Variants in DNAJC13 observed in about 807,000 individuals in gnomAD.
DNAJC13 encodes DnaJ heat shock protein family (Hsp40) member C13.
A neutral mutation model predicts 290.5 loss-of-function variants in DNAJC13; 75 were observed. The ratio of observed to expected loss-of-function variants is 0.26; its 90% CI spans 0.21 to 0.31. The LOEUF is 0.31. Ranked by LOEUF, DNAJC13 falls within the 10% of genes least tolerant of loss-of-function variation. The probability of loss-of-function intolerance (pLI) is 1.00; values close to 1 mark genes in which losing one functional copy is unlikely to be tolerated. For missense variants in DNAJC13, 2,260 were observed against 2,674.5 expected (o/e 0.85, Z 3.42); for synonymous variants, 862 against 892.0 (o/e 0.97, Z 0.60).
chr3:132,480,193 C>G (rs1434380573), intron 25 of DNAJC13, among the ~76,000 whole-genome samples, 176 bp from the exon 26 acceptor site: 2 of 152,192 alleles, frequency 1.3e-5, no homozygotes, highest in Middle Eastern at 3.4e-3. Flanking sequence ...TCCTTGAACA[C>G]AAAATGCTGA....
At chr3:132,475,667 T>C (rs778290879) in intron 22 of DNAJC13, among the ~76,000 whole-genome samples, 6 of 152,202 alleles carry the variant, frequency 3.9e-5, no homozygotes, top group Non-Finnish European at 8.8e-5. Flanking sequence ...CCCAGTTGCA[T>C]TTCCATATTC....
intron 12 of DNAJC13, 53 bp from the exon 13 acceptor site, chr3:132,457,216 C>A: frequency 7.8e-7 from 1 of 1,284,420 alleles, no homozygotes; most frequent in Non-Finnish European, 1.1e-6. Context: ...AATAATATAA[C>A]AATTTAAAAT....
At chr3:132,486,206 C>A (rs1339031386) in intron 29 of DNAJC13, among the ~76,000 whole-genome samples, 1 of 148,406 alleles carries the variant, frequency 6.7e-6, no homozygotes, top group East Asian at 2.0e-4. Context: ...AAAAGCACTG[C>A]AATTATTGAG....
intron 21 of DNAJC13, chr3:132,474,246 T>G (rs1934386194): frequency 6.6e-6 from 1 of 152,214 alleles, no homozygotes. Context: ...TTTTTGTTTG[T>G]TTTTTGTTTT....
chr3:132,436,594 G>A (rs923193900), intron 2 of DNAJC13, among the ~76,000 whole-genome samples: 1 of 152,276 alleles, frequency 6.6e-6, no homozygotes, highest in African/African-American at 2.4e-5. Context: ...ACTTTTTGAT[G>A]AACAGCCAAA....
chr3:132,445,633 T>C (rs1476421238), intron 2 of DNAJC13, among the ~76,000 whole-genome samples: 2 of 152,086 alleles, frequency 1.3e-5, no homozygotes, highest in Non-Finnish European at 2.9e-5. Context: ...AGGGTTGATT[T>C]ATTCTTATAT....
chr3:132,468,060 G>A (rs1934060813), intron 20 of DNAJC13, among the ~76,000 whole-genome samples: 1 of 152,114 alleles, frequency 6.6e-6, no homozygotes, highest in Admixed American at 6.5e-5. Context: ...TCAATTTATT[G>A]TGCGTACTTA....
rs1421552450 is a variant in DNAJC13, at chr3:132,483,369, C to T, written c.2980-6C>T. ...TCTGTTTGTAATAATGCCTTCCATCCATTAGATGCAAGAATTGTGGACCAA... is the reference window on the plus strand; with the variant it reads ...TCTGTTTGTAATAATGCCTTCCATCTATTAGATGCAAGAATTGTGGACCAA... On this transcript the variant is annotated splice_region_variant and splice_polypyrimidine_tract_variant and intron_variant, in intron 27 of 55. Coordinates refer to ENST00000260818, the MANE Select transcript of DNAJC13 (RefSeq NM_015268.4). 17 of 1,612,264 alleles carry T rather than the reference C, an allele frequency of 1.1e-5. No homozygotes were observed. The highest frequency in any genetic ancestry group is 6.7e-5 in the African/African-American group (5 of 74,818).
chr3:132,483,045 G>T (rs1202685525), intron 27 of DNAJC13, among the ~76,000 whole-genome samples: 1 of 152,054 alleles, frequency 6.6e-6, no homozygotes, highest in African/African-American at 2.4e-5. Flanking sequence ...AGCCTCCCAG[G>T]CTCATTTCGA....
chr3:132,449,722 A>G (rs909471811), intron 5 of DNAJC13, among the ~76,000 whole-genome samples: 2 of 152,164 alleles, frequency 1.3e-5, no homozygotes, highest in African/African-American at 4.8e-5. Context: ...TCAGTATCAG[A>G]AATAGTTGTA....
chr3:132,434,658 A>G (rs771602655), intron 2 of DNAJC13, 40 bp downstream of exon 2: 16 of 1,497,176 alleles, frequency 1.1e-5, no homozygotes, highest in Non-Finnish European at 1.3e-5. Context: ...GTGCTTCTAT[A>G]AAATATTTTA....
intron 1 of DNAJC13, among the ~76,000 whole-genome samples, chr3:132,431,704 A>T (rs1362240793): frequency 6.6e-6 from 1 of 152,214 alleles, no homozygotes; most frequent in East Asian, 1.9e-4. Flanking sequence ...TCATAGTTGT[A>T]TTATTCATAA....
intron 1 of DNAJC13, among the ~76,000 whole-genome samples, chr3:132,427,549 AAT>A (rs1465958411): frequency 1.3e-5 from 2 of 152,208 alleles, no homozygotes; most frequent in African/African-American, 2.4e-5. Flanking sequence ...CAGTTTAAGA[AAT>A]ATATATTGTT....
At chr3:132,520,989 A>T (rs1936072791) in intron 48 of DNAJC13, among the ~76,000 whole-genome samples, 1 of 152,248 alleles carries the variant, frequency 6.6e-6, no homozygotes, top group Non-Finnish European at 1.5e-5. Context: ...CTAGTCTATA[A>T]TGAAATCTGT....
At chr3:132,485,934 A>T (rs1313455527) in intron 29 of DNAJC13, among the ~76,000 whole-genome samples, 3 of 152,188 alleles carry the variant, frequency 2.0e-5, no homozygotes, top group Admixed American at 2.0e-4. Context: ...GACTTGTGCC[A>T]TTTGTACCTT....
chr3:132,461,054 A>T lies in DNAJC13; in HGVS notation c.1562A>T (p.His521Leu), dbSNP rs1201325609. The T allele has an allele frequency of 6.2e-7, 1 of 1,613,792 alleles. No homozygotes were observed. Among genetic ancestry groups the T allele is most frequent in the Admixed American group, 1.7e-5 (1 of 59,920 alleles). ...LLEKFNSHVD[H>L]GTGALVISSL... is the part of the protein sequence containing the mutation. ...GAATCTGTTGCATTGTTTCAGGATC[A>T]TGGGACTGGTGCCCTAGTTATTAGT... The change falls in exon 15 of 56, where the codon CAT (histidine) becomes CTT (leucine). Residue 521 changes from histidine to leucine, a missense_variant. Coordinates refer to ENST00000260818, the MANE Select transcript of DNAJC13 (RefSeq NM_015268.4).
chr3:132,513,327 G>A (rs1372939903), intron 45 of DNAJC13, among the ~76,000 whole-genome samples: 1 of 152,084 alleles, frequency 6.6e-6, no homozygotes, highest in Non-Finnish European at 1.5e-5. Context: ...TCTGTTATGC[G>A]TTAGGGCTTG....
At chr3:132,441,490 C>T (rs1933068724) in intron 2 of DNAJC13, among the ~76,000 whole-genome samples, 1 of 152,162 alleles carries the variant, frequency 6.6e-6, no homozygotes, top group African/African-American at 2.4e-5. Context: ...CTCTGTTTGG[C>T]TTCTTTGAAG....
intron 2 of DNAJC13, among the ~76,000 whole-genome samples, chr3:132,439,767 C>T (rs1234864328): frequency 6.6e-6 from 1 of 152,146 alleles, no homozygotes; most frequent in African/African-American, 2.4e-5. Flanking sequence ...GCTTTTAGGA[C>T]AGATATTTGC....
Sources: allele counts gnomAD v4.1 joint callset (sites outside exome capture counted in the v4.1 genomes callset), GRCh38; gene constraint gnomAD v4.1.1; transcripts MANE v1.5; gene names NCBI Gene and HGNC (gene_info 2026-07-23, HGNC 2026-07-21).